TAF4B: variants seen among roughly 807,000 people sequenced by gnomAD.
TAF4B encodes the protein transcription initiation factor TFIID subunit 4B.
In TAF4B, 38 loss-of-function variants were observed where a neutral mutation model predicts 86.4. That is an observed-to-expected ratio of 0.44 (90% CI 0.34 to 0.58). The LOEUF (loss-of-function observed/expected upper bound fraction) is 0.58, where lower values mean the gene tolerates loss of function less well. Among genes scored for constraint, TAF4B ranks in the 20% least tolerant of loss-of-function variants. TAF4B has a pLI of 0.02. For synonymous variants in TAF4B, 388 were observed against 391.2 expected, an observed-to-expected ratio of 0.99 and a Z score of 0.10; for missense variants, 988 against 1,027.6, an observed-to-expected ratio of 0.96 and a Z score of 0.53.
At chr18:26,359,541 T>G (rs2057314553) in intron 14 of TAF4B, among the ~76,000 whole-genome samples, 1 of 152,166 alleles carries the variant, frequency 6.6e-6, no homozygotes, top group Non-Finnish European at 1.5e-5. Context: ...TCCTGTATAA[T>G]GTACAAAAAA....
rs2057200373 is a variant in TAF4B, at chr18:26,346,885, ATATATATATATATATG to A, written c.2317-10803_2317-10788del. 5.6e-4 allele frequency among the ~76,000 whole-genome samples: 7 copies of A among 12,592 alleles called. 3 individuals are homozygous for A. Among genetic ancestry groups the A allele is most frequent in the Non-Finnish European group, 5.7e-4 (3 of 5,276 alleles). The allele number at this position is 12,592 out of a possible 152,430, so 8.3% of individuals were successfully genotyped here. On this transcript the variant is annotated intron_variant, in intron 13 of 14. Transcript: ENST00000269142. ...TGTATATATATATATGTGTATATAT[ATATATATATATATATG>A]TGTGTGTATATATATATATATAGTT...
intron 13 of TAF4B, among the ~76,000 whole-genome samples, chr18:26,341,224 G>A (rs928704444): frequency 6.6e-6 from 1 of 152,018 alleles, no homozygotes; most frequent in Non-Finnish European, 1.5e-5. Flanking sequence ...TGAACTTAAC[G>A]ATTCCTGCTC....
Position 26,285,224 on chromosome 18 carries a change from T to TTTTG in TAF4B, c.973-655_973-654insGTTT, listed in dbSNP as rs1555677510. ...TTCTTCCTTTCCTTTTTTTTTTTGTTTTTTTTTTTTTTGGAGATGGGGTCT... is the reference window on the plus strand; with the variant it reads ...TTCTTCCTTTCCTTTTTTTTTTTGTTTTTGTTTTTTTTTTTTGGAGATGGGGTCT... On this transcript the variant is annotated intron_variant, in intron 6 of 14. Coordinates refer to ENST00000269142, the MANE Select transcript of TAF4B (RefSeq NM_005640.3). Among the ~76,000 whole-genome samples the TTTTG allele has an allele frequency of 4.1e-5, 5 of 122,806 alleles. 1 individual carries two copies. In the Admixed American group the frequency reaches 4.2e-4, roughly 10 times the overall value. 80.6% of individuals were successfully genotyped at this position (122,806 alleles called of 152,430 possible).
At chr18:26,338,981 C>A (rs1676988) in intron 13 of TAF4B, among the ~76,000 whole-genome samples, 115,748 of 152,078 alleles carry the variant, frequency 0.76, 44,734 homozygotes, top group East Asian at 0.98. Flanking sequence ...GGGTTGGCCT[C>A]CAGCCTAGTC....
At chr18:26,233,090 A>G (rs1041716869) in intron 1 of TAF4B, among the ~76,000 whole-genome samples, 5 of 152,150 alleles carry the variant, frequency 3.3e-5, no homozygotes, top group African/African-American at 4.8e-5. Context: ...TCCACATAAG[A>G]AGAATATGGC....
intron 9 of TAF4B, among the ~76,000 whole-genome samples, chr18:26,302,444 G>T (rs2056745458): frequency 8.1e-6 from 1 of 123,662 alleles, no homozygotes; most frequent in Non-Finnish European, 1.6e-5. Flanking sequence ...GCACTATCAT[G>T]CCTCACTGCA....
intron 9 of TAF4B, among the ~76,000 whole-genome samples, chr18:26,308,566 A>C (rs181319271): frequency 1.6e-4 from 25 of 152,168 alleles, no homozygotes; most frequent in African/African-American, 6.0e-4. Flanking sequence ...AAAATCTAAA[A>C]ATTTCTTGTT....
At chr18:26,387,466 TC>T (rs1241321017) in intron 14 of TAF4B, among the ~76,000 whole-genome samples, 1 of 152,178 alleles carries the variant, frequency 6.6e-6, no homozygotes, top group East Asian at 1.9e-4. Flanking sequence ...TTGGTCCCAT[TC>T]CGCAAAAATC....
chr18:26,240,267 T>C (rs1306724532), intron 1 of TAF4B, among the ~76,000 whole-genome samples: 1 of 152,162 alleles, frequency 6.6e-6, no homozygotes. Context: ...CATTGAGCAG[T>C]GGTTTGTAGT....
At position 26,315,147 on chromosome 18, in the gene TAF4B, T is replaced by A. The variant is rs1439507163; in HGVS notation, c.1833-82T>A. ...CTCTCTCTCTCTCTCTCTCTCTCTG[T>A]CTCTCTCTCTCTCTCACACACACAC... On this transcript the variant is annotated intron_variant, in intron 9 of 14. Transcript: ENST00000269142. The A allele has an allele frequency of 3.2e-3, 1,030 of 324,968 alleles. 16 individuals carry two copies. The African/African-American group carries it at 0.045, about 14-fold the overall frequency. The allele number at this position is 324,968 out of a possible 1,614,324, so 20.1% of individuals were successfully genotyped here.
At chr18:26,339,786 G>T (rs1322635768) in intron 13 of TAF4B, among the ~76,000 whole-genome samples, 2 of 152,170 alleles carry the variant, frequency 1.3e-5, no homozygotes, top group African/African-American at 4.8e-5. Flanking sequence ...ACATCGTCCA[G>T]AATTTTGTAG....
intron 5 of TAF4B, among the ~76,000 whole-genome samples, chr18:26,276,339 T>C (rs1042754897): frequency 6.6e-6 from 1 of 152,162 alleles, no homozygotes; most frequent in South Asian, 2.1e-4. Context: ...AGAGTGGAGA[T>C]AGAAGTTAGC....
intron 10 of TAF4B, among the ~76,000 whole-genome samples, chr18:26,316,375 TTTC>T (rs148061353): frequency 0.11 from 16,703 of 151,672 alleles, 942 homozygotes; most frequent in Middle Eastern, 0.14. Context: ...TGACCAGGGT[TTTC>T]TTCTTCTTCT....
intron 5 of TAF4B, among the ~76,000 whole-genome samples, chr18:26,275,452 G>A (rs1474353626): frequency 1.3e-5 from 2 of 152,186 alleles, no homozygotes; most frequent in East Asian, 1.9e-4. Context: ...CACCAAGCCC[G>A]GCCTGAGATT....
rs1225199948 is a variant in TAF4B, at chr18:26,321,196, A to C, written c.2129A>C (p.Tyr710Ser). The change falls in exon 11 of 15, where the codon TAC becomes TCC. Residue 710 changes from tyrosine (Y) to serine (S), a missense_variant. Coordinates refer to ENST00000269142, the MANE Select transcript of TAF4B (RefSeq NM_005640.3). ...TAIAQHRMTT[Y>S]KASENYILCS... ...ATTGCTCAGCATCGAATGACTACTT[A>C]CAAGGTAAAGGAAATCATTAAAGAA... The C allele has an allele frequency of 1.9e-6, 3 of 1,613,466 alleles. No individual in the cohort carries two copies. The African/African-American group carries it at 4.0e-5, about 22-fold the overall frequency.
chr18:26,257,425 A>G (rs2056100399), intron 1 of TAF4B, among the ~76,000 whole-genome samples: 1 of 152,022 alleles, frequency 6.6e-6, no homozygotes, highest in Non-Finnish European at 1.5e-5. Flanking sequence ...ACTCTTTTAT[A>G]TCTTTGAGTC....
chr18:26,306,067 C>T (rs1327771605), intron 9 of TAF4B, among the ~76,000 whole-genome samples: 4 of 152,184 alleles, frequency 2.6e-5, no homozygotes, highest in African/African-American at 7.2e-5. Flanking sequence ...GCAAGGATCA[C>T]GGTCTGTGGT....
chr18:26,280,791 A>G (rs1190133292), intron 5 of TAF4B, among the ~76,000 whole-genome samples: 1 of 152,206 alleles, frequency 6.6e-6, no homozygotes, highest in African/African-American at 2.4e-5. Flanking sequence ...CAGCAGTGCC[A>G]TTACTGGGTA....
chr18:26,372,441 T>C (rs2057411929), intron 14 of TAF4B, among the ~76,000 whole-genome samples: 1 of 152,216 alleles, frequency 6.6e-6, no homozygotes, highest in African/African-American at 2.4e-5. Context: ...ACTTTTGGTA[T>C]GCAGATATTG....
Sources: allele counts gnomAD v4.1 joint callset (sites outside exome capture counted in the v4.1 genomes callset), GRCh38; gene constraint gnomAD v4.1.1; transcripts MANE v1.5; gene names NCBI Gene and HGNC (gene_info 2026-07-23, HGNC 2026-07-21).